The following PSCA variants were observed in gnomAD, a reference collection of about 807,000 sequenced individuals.
PSCA encodes prostate stem cell antigen.
Under a neutral mutation model 7.9 loss-of-function variants are expected in PSCA, and 7 were observed. The ratio of observed to expected loss-of-function variants is 0.89; its 90% CI spans 0.51 to 1.67. The LOEUF (loss-of-function observed/expected upper bound fraction) is 1.67, where lower values mean the gene tolerates loss of function less well. Ranked by LOEUF, PSCA falls within the 40% of genes most tolerant of loss-of-function variation. The pLI, the probability that PSCA is intolerant of heterozygous loss-of-function variation, is 0.00. For missense variants in PSCA, 151 were observed against 147.9 expected (o/e 1.02, Z -0.11); for synonymous variants, 61 against 68.3 (o/e 0.89, Z 0.53).
chr8:142,681,439 G>A lies in PSCA; in HGVS notation c.133+5G>A, dbSNP rs1554638328. ...AGTGCTGGACCGCGCGCATCCGTGAGTGGGGGGACGACAGCCGCCAGGCCT... is the reference window on the plus strand; with the variant it reads ...AGTGCTGGACCGCGCGCATCCGTGAATGGGGGGACGACAGCCGCCAGGCCT... On this transcript the variant is annotated splice_donor_5th_base_variant and intron_variant, in intron 2 of 2. Coordinates refer to ENST00000301258, the MANE Select transcript of PSCA (RefSeq NM_005672.5). 6.3e-7 allele frequency: 1 copy of A among 1,581,994 alleles called. No individual in the cohort carries two copies. The highest frequency in any genetic ancestry group is 2.3e-5 in the East Asian group (1 of 43,182).
chr8:142,679,685 C>G (rs6471587), upstream of PSCA, among the ~76,000 whole-genome samples: 9,161 of 152,240 alleles, frequency 0.06, 580 homozygotes, highest in African/African-American at 0.16. Flanking sequence ...TTGGCAATCG[C>G]TTGCAAGAGT....
chr8:142,674,176 G>C (rs1056286166), intron 1 of PSCA, among the ~76,000 whole-genome samples: 2 of 148,084 alleles, frequency 1.4e-5, no homozygotes, highest in South Asian at 2.2e-4. Flanking sequence ...AATCGTTTCA[G>C]TCTAACCTCT....
chr8:142,681,314 C>A lies in PSCA; in HGVS notation c.26-13C>A. The A allele has an allele frequency of 6.5e-7, 1 of 1,548,736 alleles. No individual in the cohort carries two copies. Among genetic ancestry groups the A allele is most frequent in the East Asian group, 2.4e-5 (1 of 41,010 alleles). ...GGGGCAGCCTCTGAGGCCCCTCCCA[C>A]TCCACCCCACAGGCACTGCCCTGCT... On this transcript the variant is annotated splice_polypyrimidine_tract_variant and intron_variant, in intron 1 of 2. Coordinates refer to ENST00000301258, the MANE Select transcript of PSCA (RefSeq NM_005672.5).
In PSCA at chr8:142,682,143, G is replaced by T. The variant is rs879959091; in HGVS notation, c.*11G>T. 6.3e-7 allele frequency: 1 copy of T among 1,592,474 alleles called. No individual in the cohort carries two copies. The highest frequency in any genetic ancestry group is 1.7e-5 in the Admixed American group (1 of 59,104). On this transcript the variant is annotated 3_prime_UTR_variant, in exon 3 of 3. Transcript: ENST00000301258. ...CCCGGCCAGCTCTAGGCTCTGGGGG[G>T]CCCCGCTGCAGCCCACACTGGGTGT...
rs1416245798 is a variant in PSCA at position 142,682,341 on chromosome 8, GAC to G, written c.*213_*214del. The G allele has an allele frequency of 5.6e-6, 4 of 714,142 alleles. No individual in the cohort carries two copies. Among genetic ancestry groups the G allele is most frequent in the Admixed American group, 4.0e-5 (2 of 49,892 alleles). The allele number at this position is 714,142 out of a possible 1,614,324, so 44.2% of individuals were successfully genotyped here. ...TCCCACCCGGCAGATCGGCTCTATT[GAC>G]ACAGATCCGCCTGCAGATGGCCCCT... On this transcript the variant is annotated 3_prime_UTR_variant, in exon 3 of 3. Transcript: ENST00000301258.
chr8:142,675,146 G>A (rs1847384356), intron 1 of PSCA, among the ~76,000 whole-genome samples: 1 of 152,238 alleles, frequency 6.6e-6, no homozygotes, highest in Non-Finnish European at 1.5e-5. Flanking sequence ...GTGAGGCTGT[G>A]CCCAGCTGGA....
intron 1 of PSCA, among the ~76,000 whole-genome samples, chr8:142,675,329 A>G (rs1396186754): frequency 6.6e-6 from 1 of 152,176 alleles, no homozygotes; most frequent in African/African-American, 2.4e-5. Flanking sequence ...CTTAGTGCCC[A>G]GGCAGGAGGG....
intron 2 of PSCA, 199 bp from the exon 3 acceptor site, chr8:142,681,722 G>T: frequency 1.6e-6 from 1 of 607,304 alleles, no homozygotes; most frequent in Non-Finnish European, 2.9e-6. Context: ...CTGACGCTCA[G>T]CGGGTGGTCC....
At chr8:142,671,989 G>A (rs1334027284) in intron 1 of PSCA, among the ~76,000 whole-genome samples, 3 of 152,040 alleles carry the variant, frequency 2.0e-5, no homozygotes, top group Admixed American at 2.0e-4. Flanking sequence ...CTCCTCCAGT[G>A]TCATGCCGTT....
upstream of PSCA, among the ~76,000 whole-genome samples, chr8:142,675,596 T>C (rs1554637757): frequency 1.3e-5 from 2 of 152,216 alleles, no homozygotes; most frequent in African/African-American, 4.8e-5. Context: ...CACACTCACT[T>C]GCATTTACAC....
chr8:142,678,331 G>A (rs1017594603), upstream of PSCA, among the ~76,000 whole-genome samples: 37 of 152,342 alleles, frequency 2.4e-4, no homozygotes, highest in African/African-American at 8.4e-4. Flanking sequence ...CACACACTCG[G>A]CAGCAGGCAG....
rs1847451559 is a variant in PSCA at position 142,680,646 on chromosome 8, G to C, written c.25+83G>C. The C allele has an allele frequency of 5.3e-6, 8 of 1,502,758 alleles. No individual in the cohort carries two copies. The Admixed American group carries it at 1.4e-4, about 26-fold the overall frequency. 93.1% of individuals were successfully genotyped at this position (1,502,758 alleles called of 1,614,324 possible). A position where few individuals can be genotyped will look rare whatever the true frequency, so the allele number is the denominator to read the frequency against. On this transcript the variant is annotated intron_variant, in intron 1 of 2. Transcript: ENST00000301258. ...GAGGGATACCTGCAGGGCACACGGA[G>C]AGGAGGGGAAGGAAGGAGGAAGGGA...
rs1814631134 is a variant in PSCA, at chr8:142,681,395, T to C, written c.94T>C (p.Cys32Arg). Residue 32 changes from cysteine (C) to arginine (R), a missense_variant, in exon 2 of 3, where the codon TGC becomes CGC. Transcript: ENST00000301258. ...CGAGGACTGCCTGCAGGTGGAGAAC[T>C]GCACCCAGCTGGGGGAGCAGTGCTG... Reference protein sequence around the residue: ...SNEDCLQVENCTQLGEQCWTA... With the variant: ...SNEDCLQVENRTQLGEQCWTA... The C allele has an allele frequency of 1.3e-6, 2 of 1,593,418 alleles. No homozygotes were observed. Among genetic ancestry groups the C allele is most frequent in the South Asian group, 2.3e-5 (2 of 87,410 alleles).
At position 142,673,500 on chromosome 8, in the gene PSCA, G is replaced by C. The variant is rs1178738538; in HGVS notation, n.261+2932G>C. On this transcript the variant is annotated intron_variant and non_coding_transcript_variant, in intron 1 of 1. Coordinates refer to the PSCA transcript ENST00000505305. The surrounding 1 kb of genome is among the most constrained non-coding windows in gnomAD (Gnocchi z 4.6). ...GTGGGTTCATTTTGACCCCTGGCAA[G>C]ATAGAGCTGATTTAGCAAGACAGGG... Among the ~76,000 whole-genome samples, 2 of 152,248 alleles carry C rather than the reference G, an allele frequency of 1.3e-5. No individual in the cohort carries two copies. The highest frequency in any genetic ancestry group is 2.9e-5 in the Non-Finnish European group (2 of 68,038).
upstream of PSCA, chr8:142,680,473 G>C: frequency 4.5e-6 from 7 of 1,543,200 alleles, no homozygotes; most frequent in Non-Finnish European, 6.1e-6. Flanking sequence ...GCCATATAAA[G>C]TCACCTGAGG....
chr8:142,680,789 G>A (rs988085167), intron 1 of PSCA: 11 of 616,410 alleles, frequency 1.8e-5, no homozygotes, highest in Admixed American at 5.7e-5. Context: ...GGGGCAGCAC[G>A]GAGTCACTCT....
Position 142,673,261 on chromosome 8 carries a change from A to G in PSCA, n.261+2693A>G, listed in dbSNP as rs1847356093. Among the ~76,000 whole-genome samples the G allele has an allele frequency of 6.6e-6, 1 of 152,222 alleles. No individual in the cohort carries two copies. Among genetic ancestry groups the G allele is most frequent in the Non-Finnish European group, 1.5e-5 (1 of 68,038 alleles). ...TATTTTTAACTGCCACCTCAGGGAC[A>G]TGGGATCACGTGGTCTCCCAGGACT... On this transcript the variant is annotated intron_variant and non_coding_transcript_variant, in intron 1 of 1. Transcript: ENST00000505305. The surrounding 1 kb of genome is among the most constrained non-coding windows in gnomAD (Gnocchi z 4.6).
chr8:142,680,224 T>G, upstream of PSCA: 1 of 428,466 alleles, frequency 2.3e-6, no homozygotes, highest in Admixed American at 3.5e-5. Flanking sequence ...CACTGTGAGG[T>G]GGGGGAGGTG....
upstream of PSCA, among the ~76,000 whole-genome samples, chr8:142,677,620 C>T (rs587678927): frequency 1.2e-3 from 183 of 151,250 alleles, no homozygotes; most frequent in African/African-American, 4.3e-3. Flanking sequence ...GGGCGGGGGG[C>T]GGAGGGAGGA....
Sources: allele counts gnomAD v4.1 joint callset (sites outside exome capture counted in the v4.1 genomes callset), GRCh38; gene constraint gnomAD v4.1.1; non-coding constraint Gnocchi (gnomAD v3.1); transcripts MANE v1.5; gene names NCBI Gene and HGNC (gene_info 2026-07-23, HGNC 2026-07-21).